The following ZNF630 variants were observed in gnomAD, a reference collection of about 807,000 sequenced individuals.
ZNF630 encodes dJ54B20.2 (novel KRAB box containing C2H2 type zinc finger protein).
Under a neutral mutation model 7.2 loss-of-function variants are expected in ZNF630, and 5 were observed. The ratio of observed to expected loss-of-function variants is 0.70; its 90% CI spans 0.36 to 1.46. The LOEUF (loss-of-function observed/expected upper bound fraction) is 1.46. ZNF630 is among the 40% of genes most tolerant of loss of function. The pLI is 0.03. For missense variants in ZNF630, 461 were observed against 477.0 expected, an observed-to-expected ratio of 0.97 and a Z score of 0.31; for synonymous variants, 158 against 162.8, an observed-to-expected ratio of 0.97 and a Z score of 0.23.
At position 48,064,669 on chromosome X, in the gene ZNF630, G is replaced by T. The variant is rs782301675; in HGVS notation, c.15+2203C>A. Among the ~76,000 whole-genome samples, 170 of 111,740 alleles carry T rather than the reference G, an allele frequency of 1.5e-3. 1 individual carries two copies. The highest frequency in any genetic ancestry group is 9.2e-3 in the Middle Eastern group (2 of 217). On this transcript the variant is annotated intron_variant, in intron 2 of 4. Coordinates refer to ENST00000276054, the MANE Select transcript of ZNF630 (RefSeq NM_001282201.2). The stretch of plus-strand genomic sequence containing the variant: ...TGTAGAGATGCGGTTTCGCCATGCT[G>T]CCCAGGCTGGTCTAGAACTCCTGAG...
At chrX:48,062,589 C>T (rs1383316282) in intron 2 of ZNF630, among the ~76,000 whole-genome samples, 2 of 111,632 alleles carry the variant, frequency 1.8e-5, no homozygotes, top group Non-Finnish European at 3.8e-5. Context: ...CAAAAATTAG[C>T]CGAGCATGGT....
At chrX:48,067,784 T>A (rs1483970682) in intron 1 of ZNF630, among the ~76,000 whole-genome samples, 1 of 110,473 alleles carries the variant, frequency 9.1e-6, no homozygotes, top group Non-Finnish European at 1.9e-5. Context: ...AAAATTAGCC[T>A]GGCGTGGCGG....
intron 2 of ZNF630, among the ~76,000 whole-genome samples, chrX:48,065,155 C>T (rs2059124160): frequency 9.0e-6 from 1 of 111,670 alleles, no homozygotes; most frequent in South Asian, 3.7e-4. Context: ...AACCTTCCCA[C>T]AAAGAAAACT....
At position 48,058,855 on chromosome X, in the gene ZNF630, G is replaced by T. The variant is rs782629328; in HGVS notation, c.1587C>A (p.Leu529=). The stretch of plus-strand genomic sequence containing the variant: ...TGTGAACTCTCAGATGAATAATGAG[G>T]AGTGATTTCTGGGAGAAGGTTTTGC... ...ECGKTFSQKS[L]LIIHLRVHTG... The change falls in exon 5 of 5, where the codon CTC becomes CTA. Residue 529 remains leucine, a synonymous_variant. Transcript: ENST00000276054. 37 of 1,207,437 alleles carry T rather than the reference G, an allele frequency of 3.1e-5. No homozygotes were observed. In the East Asian group the frequency reaches 1.1e-3, roughly 35 times the overall value.
chrX:48,070,314 A>G (rs1476206455), intron 1 of ZNF630, among the ~76,000 whole-genome samples: 2 of 109,285 alleles, frequency 1.8e-5, no homozygotes, highest in Admixed American at 2.0e-4. Flanking sequence ...ATCAGAATAT[A>G]TAAAAACAAT....
chrX:48,064,061 G>A (rs146371557), intron 2 of ZNF630, among the ~76,000 whole-genome samples: 1,113 of 110,611 alleles, frequency 0.01, 29 homozygotes, highest in African/African-American at 0.035. Flanking sequence ...GAGAGGTCTG[G>A]TTAGGTCATG....
intron 2 of ZNF630, among the ~76,000 whole-genome samples, chrX:48,062,272 A>G (rs1003932265): frequency 2.7e-5 from 3 of 112,396 alleles, no homozygotes; most frequent in Non-Finnish European, 5.6e-5. Context: ...GGTTTCTAGA[A>G]GTTATTCTAC....
intron 1 of ZNF630, among the ~76,000 whole-genome samples, chrX:48,068,203 GAAAAGAAAAGAAAAGAA>G (rs1283425345): frequency 3.8e-5 from 2 of 52,580 alleles, no homozygotes; most frequent in African/African-American, 1.3e-4. Context: ...AGGAAGGAAA[GAAAAGAAAAGAAAAGAA>G]AAAAGAAAAG....
chrX:48,070,931 C>T (rs2059157670), intron 1 of ZNF630: 1 of 109,110 alleles, frequency 9.2e-6, no homozygotes. Flanking sequence ...CCATTCTTGT[C>T]CTCATAGACC....
Position 48,058,397 on chromosome X carries a change from A to C in ZNF630, c.*71T>G. On this transcript the variant is annotated 3_prime_UTR_variant, in exon 5 of 5. Coordinates refer to ENST00000276054, the MANE Select transcript of ZNF630 (RefSeq NM_001282201.2). ...TCTATTCTACAGTTGAGAAGTTGTC[A>C]CTATTTCTATTCAATGTGAGTTTTC... The C allele has an allele frequency of 9.6e-7, 1 of 1,038,051 alleles. No homozygotes were observed. Among genetic ancestry groups the C allele is most frequent in the South Asian group, 2.4e-5 (1 of 41,959 alleles). 85.5% of individuals were successfully genotyped at this position (1,038,051 alleles called of 1,213,427 possible).
intron 2 of ZNF630, among the ~76,000 whole-genome samples, chrX:48,064,761 T>C (rs949511623): frequency 4.5e-5 from 5 of 111,876 alleles, no homozygotes; most frequent in African/African-American, 1.6e-4. Flanking sequence ...GCTAGCTGTA[T>C]CTGGTCTGGT....
At chrX:48,069,992 G>A (rs187990008) in intron 1 of ZNF630, among the ~76,000 whole-genome samples, 1,453 of 108,148 alleles carry the variant, frequency 0.013, 43 homozygotes, top group African/African-American at 0.047. Flanking sequence ...CCAGTAGCTG[G>A]GACTACAGGA....
intron 1 of ZNF630, among the ~76,000 whole-genome samples, chrX:48,070,859 G>C (rs1000187500): frequency 9.2e-6 from 1 of 109,104 alleles, no homozygotes; most frequent in Non-Finnish European, 1.9e-5. Context: ...ACATATGATT[G>C]ATCTGAAAAA....
At chrX:48,061,387 A>G (rs2059104954) in intron 2 of ZNF630, among the ~76,000 whole-genome samples, 1 of 111,737 alleles carries the variant, frequency 8.9e-6, no homozygotes, top group South Asian at 3.6e-4. Context: ...AAATGAAAAC[A>G]CTGATAAATG....
intron 2 of ZNF630, 156 bp downstream of exon 2, chrX:48,066,716 A>G (rs2059132844): frequency 1.6e-6 from 1 of 636,963 alleles, no homozygotes; most frequent in Non-Finnish European, 2.4e-6. Context: ...ATTTTAGCTA[A>G]GTTTCTATGA....
At chrX:48,068,192 AAGGAAGG>A (rs2059140918) in intron 1 of ZNF630, among the ~76,000 whole-genome samples, 1 of 82,813 alleles carries the variant, frequency 1.2e-5, no homozygotes, top group Non-Finnish European at 2.3e-5. Flanking sequence ...GGAAGGAAGG[AAGGAAGG>A]AAAGAAAAGA....
chrX:48,064,595 T>G (rs1603236538), intron 2 of ZNF630, among the ~76,000 whole-genome samples: 1 of 111,865 alleles, frequency 8.9e-6, no homozygotes, highest in East Asian at 2.8e-4. Context: ...CCTGAGTAGC[T>G]GGGACCACAG....
intron 2 of ZNF630, 32 bp from the exon 3 acceptor site, chrX:48,060,977 G>T: frequency 8.6e-7 from 1 of 1,157,946 alleles, no homozygotes; most frequent in Non-Finnish European, 1.2e-6. Flanking sequence ...CAATCTGCTC[G>T]TTCTGGTCAT....
In ZNF630 at chrX:48,059,677, T is replaced by C. The variant is rs782672841; in HGVS notation, c.765A>G (p.Lys255=). ...CATTGGGTTTCTCTCTGGCTTGAAA[T>C]TTCTTATACTGAACATGGGCTTGCT... ...SHKQAHVQYK[K]FQAREKPNVC... is the part of the protein sequence containing the mutation. The change falls in exon 5 of 5, where the codon AAA becomes AAG. Residue 255 remains lysine (K), a synonymous_variant. Coordinates refer to ENST00000276054, the MANE Select transcript of ZNF630 (RefSeq NM_001282201.2). The C allele has an allele frequency of 1.7e-6, 2 of 1,206,982 alleles. No homozygotes were observed. Among genetic ancestry groups the C allele is most frequent in the African/African-American group, 3.5e-5 (2 of 56,806 alleles).
Sources: allele counts gnomAD v4.1 joint callset (sites outside exome capture counted in the v4.1 genomes callset), GRCh38; gene constraint gnomAD v4.1.1; transcripts MANE v1.5; gene names NCBI Gene and HGNC (gene_info 2026-07-23, HGNC 2026-07-21).